The following TTC21B variants were observed in gnomAD, a reference collection of about 807,000 sequenced individuals.
TTC21B encodes the protein tetratricopeptide repeat domain 21B.
In TTC21B, 127 loss-of-function variants were observed where a neutral mutation model predicts 175.1. The ratio of observed to expected loss-of-function variants is 0.73; its 90% CI spans 0.63 to 0.84. The LOEUF is 0.84. Among genes scored for constraint, TTC21B ranks in the 40% least tolerant of loss-of-function variants. The pLI, the probability that TTC21B is intolerant of heterozygous loss-of-function variation, is 0.00. For missense variants in TTC21B, 1,561 were observed against 1,558.3 expected (o/e 1.00, Z -0.03); for synonymous variants, 524 against 524.5 (o/e 1.00, Z 0.01).
intron 19 of TTC21B, among the ~76,000 whole-genome samples, chr2:165,906,063 T>G (rs1041967486): frequency 6.6e-6 from 1 of 151,974 alleles, no homozygotes; most frequent in Admixed American, 6.6e-5. Context: ...AAAAATTCAA[T>G]GTTACACTTT....
chr2:165,921,261 C>T (rs1686395589), intron 12 of TTC21B, among the ~76,000 whole-genome samples: 1 of 151,998 alleles, frequency 6.6e-6, no homozygotes, highest in South Asian at 2.1e-4. Context: ...TGATTTAATC[C>T]ATGCCTATTT....
chr2:165,924,773 A>G, intron 11 of TTC21B, 95 bp from the exon 12 acceptor site: 2 of 1,372,908 alleles, frequency 1.5e-6, no homozygotes, highest in Non-Finnish European at 2.0e-6. Flanking sequence ...TAACCAAGCT[A>G]TATACATTTT....
At chr2:165,888,135 G>T in intron 25 of TTC21B, 144 bp downstream of exon 25, 1 of 654,252 alleles carries the variant, frequency 1.5e-6, no homozygotes. Context: ...AGGGGACATT[G>T]TGTATGCCCA....
At position 165,917,382 on chromosome 2, in the gene TTC21B, A is replaced by C; in HGVS notation, c.1774T>G (p.Leu592Val). The change falls in exon 14 of 29, where the codon TTA becomes GTA. Residue 592 changes from leucine (L) to valine (V), a missense_variant. Physicochemically the swap from Leu to Val is conservative, Grantham distance 32. Coordinates refer to ENST00000243344, the MANE Select transcript of TTC21B (RefSeq NM_024753.5). ...AIKTLHMAMS[L>V]PGMKRIGAST... is the part of the protein sequence containing the mutation. ...GCTCCAATTCTTTTCATTCCTGGTAAACTCATTGCCATATGCAGTGTTTTA... is the reference window on the plus strand; with the variant it reads ...GCTCCAATTCTTTTCATTCCTGGTACACTCATTGCCATATGCAGTGTTTTA... 2 of 1,614,102 alleles carry C rather than the reference A, an allele frequency of 1.2e-6. No homozygotes were observed. The highest frequency in any genetic ancestry group is 3.3e-5 in the Admixed American group (2 of 60,026).
intron 8 of TTC21B, 35 bp from the exon 9 acceptor site, chr2:165,930,399 GTCTAACATT>G (rs1351496553): frequency 2.0e-6 from 3 of 1,476,582 alleles, no homozygotes; most frequent in Admixed American, 3.5e-5. Context: ...AGATTTCAAA[GTCTAACATT>G]TCTACTGAGA....
Position 165,911,443 on chromosome 2 carries a change from G to A in TTC21B, c.2345C>T (p.Ala782Val). Residue 782 changes from alanine (A) to valine (V), a missense_variant, in exon 18 of 29, where the codon GCT becomes GTT. Physicochemically the swap from Ala to Val is moderately conservative, Grantham distance 64 (BLOSUM62 0). Transcript: ENST00000243344. ...ATAATTCTTTTGTCCAGTTTTCAGA[G>A]CAGCTTCATAGTAAGTGATTGCCTA... Reference protein sequence around the residue: ...YSMAITYYEAALKTGQKNYLC... With the variant: ...YSMAITYYEAVLKTGQKNYLC... The A allele has an allele frequency of 6.2e-7, 1 of 1,613,734 alleles. No individual in the cohort carries two copies. The highest frequency in any genetic ancestry group is 8.5e-7 in the Non-Finnish European group (1 of 1,179,876).
Position 165,883,929 on chromosome 2 carries a change from A to C in TTC21B, c.3549T>G (p.Ile1183Met), listed in dbSNP as rs1210825937. Residue 1183 changes from isoleucine (I) to methionine (M), a missense_variant, in exon 26 of 29, where the codon ATT (isoleucine) becomes ATG (methionine). Physicochemically the swap from Ile to Met is conservative, Grantham distance 10 (BLOSUM62 1). Coordinates refer to ENST00000243344, the MANE Select transcript of TTC21B (RefSeq NM_024753.5). ...TPRARNQLKR[I>M]AKMNWNAIDA... Reference sequence around the variant, plus strand: ...CAATAGCATTCCAATTCATTTTCGCAATACGCTTCAGCTGGTTTCTGGCTC... The same window carrying C: ...CAATAGCATTCCAATTCATTTTCGCCATACGCTTCAGCTGGTTTCTGGCTC... The C allele has an allele frequency of 6.2e-7, 1 of 1,614,114 alleles. No homozygotes were observed. Among genetic ancestry groups the C allele is most frequent in the South Asian group, 1.1e-5 (1 of 91,086 alleles).
At position 165,898,758 on chromosome 2, in the gene TTC21B, C is replaced by G; in HGVS notation, c.2878G>C (p.Asp960His). 1.2e-6 allele frequency: 2 copies of G among 1,609,816 alleles called. No individual in the cohort carries two copies. Among genetic ancestry groups the G allele is most frequent in the Non-Finnish European group, 1.7e-6 (2 of 1,176,182 alleles). Reference sequence around the variant, plus strand: ...TAGTCTTGTTTTCTGAACATGAGATCAGCCATCATCTATAAAGATAAAAGT... The same window carrying G: ...TAGTCTTGTTTTCTGAACATGAGATGAGCCATCATCTATAAAGATAAAAGT... ...DNEAATMMMADLMFRKQDYEQ... is the reference protein window; with the variant it reads ...DNEAATMMMAHLMFRKQDYEQ... Residue 960 changes from aspartate (D) to histidine (H), a missense_variant, in exon 22 of 29, where the codon GAT becomes CAT. Asp to His is a moderately conservative substitution (Grantham distance 81). Coordinates refer to ENST00000243344, the MANE Select transcript of TTC21B (RefSeq NM_024753.5).
Position 165,874,657 on chromosome 2 carries a change from T to C in TTC21B, c.*98A>G, listed in dbSNP as rs1282441160. On this transcript the variant is annotated 3_prime_UTR_variant, in exon 29 of 29. Coordinates refer to ENST00000243344, the MANE Select transcript of TTC21B (RefSeq NM_024753.5). The stretch of plus-strand genomic sequence containing the variant: ...TGGAGAAAAAAGGGTATACTTCTAA[T>C]AACAAAGCACTGAGCTCAAACCTGT... 2.8e-6 allele frequency: 3 copies of C among 1,084,034 alleles called. No homozygotes were observed. The highest frequency in any genetic ancestry group is 2.6e-5 in the South Asian group (2 of 77,724). The allele number at this position is 1,084,034 out of a possible 1,614,324, so 67.2% of individuals were successfully genotyped here.
At chr2:165,909,085 A>G (rs542359868) in intron 18 of TTC21B, among the ~76,000 whole-genome samples, 32 of 152,264 alleles carry the variant, frequency 2.1e-4, no homozygotes, top group Non-Finnish European at 3.4e-4. Context: ...GAAAAGAAAC[A>G]TACACAATGG....
intron 9 of TTC21B, 86 bp from the exon 10 acceptor site, chr2:165,929,833 C>T (rs756299939): frequency 3.4e-6 from 3 of 882,712 alleles, no homozygotes; most frequent in African/African-American, 3.3e-5. Context: ...ATTAATAAAA[C>T]ACCCTTTCCC....
intron 13 of TTC21B, among the ~76,000 whole-genome samples, chr2:165,918,887 T>G (rs547512699): frequency 6.6e-6 from 1 of 152,156 alleles, no homozygotes; most frequent in Non-Finnish European, 1.5e-5. Flanking sequence ...AAAACTAAGG[T>G]CCAAGAAATA....
chr2:165,877,858 C>G (rs1481477323), intron 27 of TTC21B, among the ~76,000 whole-genome samples: 1 of 152,120 alleles, frequency 6.6e-6, no homozygotes, highest in Non-Finnish European at 1.5e-5. Flanking sequence ...GAGAGGTAAA[C>G]TTAATGTCAT....
intron 7 of TTC21B, 43 bp downstream of exon 7, chr2:165,932,930 T>A: frequency 6.5e-7 from 1 of 1,532,350 alleles, no homozygotes; most frequent in Non-Finnish European, 9.0e-7. Context: ...TAATGAAATA[T>A]ATTTTTTAAT....
chr2:165,878,452 G>A (rs1684738675), intron 27 of TTC21B, among the ~76,000 whole-genome samples: 1 of 152,016 alleles, frequency 6.6e-6, no homozygotes, highest in South Asian at 2.1e-4. Context: ...TCTCTCATTG[G>A]ATCTCAGTTG....
chr2:165,905,666 T>C (rs997883893), intron 19 of TTC21B, among the ~76,000 whole-genome samples: 1 of 151,914 alleles, frequency 6.6e-6, no homozygotes, highest in African/African-American at 2.4e-5. Context: ...TACATAGAAC[T>C]AAATGGAAAA....
At chr2:165,892,926 T>C (rs1685244606) in intron 22 of TTC21B, among the ~76,000 whole-genome samples, 1 of 152,202 alleles carries the variant, frequency 6.6e-6, no homozygotes, top group Non-Finnish European at 1.5e-5. Flanking sequence ...CTTTTGGAAA[T>C]ACTGTATCTA....
At chr2:165,924,817 T>C (rs974747686) in intron 11 of TTC21B, 139 bp from the exon 12 acceptor site, 10 of 883,730 alleles carry the variant, frequency 1.1e-5, no homozygotes, top group Non-Finnish European at 1.7e-5. Context: ...TATTTTGTAA[T>C]ACCTTTATTA....
At chr2:165,952,911 G>A (rs1687803771) in intron 1 of TTC21B, among the ~76,000 whole-genome samples, 1 of 152,188 alleles carries the variant, frequency 6.6e-6, no homozygotes, top group East Asian at 1.9e-4. Flanking sequence ...AGACACATAG[G>A]AGGCATTCAG....
Sources: allele counts gnomAD v4.1 joint callset (sites outside exome capture counted in the v4.1 genomes callset), GRCh38; gene constraint gnomAD v4.1.1; transcripts MANE v1.5; gene names NCBI Gene and HGNC (gene_info 2026-07-23, HGNC 2026-07-21).